PSMD3: variants seen among roughly 807,000 people sequenced by gnomAD.
The protein encoded by PSMD3 is 26S proteasome non-ATPase regulatory subunit 3.
PSMD3 carries 5 observed loss-of-function variants against 62.8 expected under a neutral mutation model. That is an observed-to-expected ratio of 0.08 (90% CI 0.04 to 0.17). The LOEUF (loss-of-function observed/expected upper bound fraction) is 0.17. Ranked by LOEUF, PSMD3 falls within the 10% of genes least tolerant of loss-of-function variation. The probability of loss-of-function intolerance (pLI) is 1.00; values close to 1 mark genes in which losing one functional copy is unlikely to be tolerated. For synonymous variants in PSMD3, 265 were observed against 283.9 expected (o/e 0.93, Z 0.67); for missense variants, 524 against 713.6 (o/e 0.73, Z 3.03).
chr17:39,991,055 T>G (rs1300483157), intron 6 of PSMD3, among the ~76,000 whole-genome samples: 5 of 151,780 alleles, frequency 3.3e-5, no homozygotes, highest in African/African-American at 1.2e-4. Flanking sequence ...CTTTTCTCAC[T>G]GCAACCTCTG....
In PSMD3 at chr17:39,980,873, G is replaced by A. The variant is rs1287223838; in HGVS notation, c.-98G>A. ...ATCGTGCGGCCCGACGCTATCTCGC[G>A]CTCGTGTGCAGGCCCGGCTCGGCTC... On this transcript the variant is annotated 5_prime_UTR_variant, in exon 1 of 12. Coordinates refer to ENST00000264639, the MANE Select transcript of PSMD3 (RefSeq NM_002809.4). 2.6e-5 allele frequency: 28 copies of A among 1,094,660 alleles called. No homozygotes were observed. Among genetic ancestry groups the A allele is most frequent in the Non-Finnish European group, 3.4e-5 (27 of 798,970 alleles). 67.8% of individuals were successfully genotyped at this position (1,094,660 alleles called of 1,614,324 possible).
intron 1 of PSMD3, among the ~76,000 whole-genome samples, chr17:39,983,978 TC>T (rs1980452922): frequency 6.6e-6 from 1 of 151,878 alleles, no homozygotes; most frequent in African/African-American, 2.4e-5. Context: ...GGCGGGCAGA[TC>T]ACGAGGTCAG....
At chr17:39,984,166 C>G (rs1482456355) in intron 1 of PSMD3, 128 bp from the exon 2 acceptor site, 1 of 847,030 alleles carries the variant, frequency 1.2e-6, no homozygotes, top group South Asian at 1.9e-5. Context: ...CACCACTGCA[C>G]TCCGGCCTGG....
At chr17:39,994,821 CCT>C in intron 6 of PSMD3, 131 bp from the exon 7 acceptor site, 1 of 737,502 alleles carries the variant, frequency 1.4e-6, no homozygotes, top group East Asian at 2.7e-5. Flanking sequence ...AGGGCTTCCT[CCT>C]CTCTCTGGGC....
At position 39,997,602 on chromosome 17, in the gene PSMD3, TAGGGGG is replaced by T; in HGVS notation, c.*23_*28del. 6.3e-7 allele frequency: 1 copy of T among 1,594,390 alleles called. No homozygotes were observed. Among genetic ancestry groups the T allele is most frequent in the Non-Finnish European group, 8.6e-7 (1 of 1,164,670 alleles). On this transcript the variant is annotated 3_prime_UTR_variant, in exon 12 of 12. Transcript: ENST00000264639. ...CTTGAGCTGGGGGGCTGGGGAGGGGTAGGGGGAATGGGGACAGGCTCTTTCCCCCTT... is the reference window on the plus strand; with the variant it reads ...CTTGAGCTGGGGGGCTGGGGAGGGGTAATGGGGACAGGCTCTTTCCCCCTT...
chr17:39,989,007 G>A (rs1438487538), intron 4 of PSMD3, among the ~76,000 whole-genome samples, 188 bp downstream of exon 4: 2 of 152,090 alleles, frequency 1.3e-5, no homozygotes. Context: ...TGAAGAAGTG[G>A]GTCACTGCTG....
intron 3 of PSMD3, among the ~76,000 whole-genome samples, chr17:39,987,485 T>G (rs1239227507): frequency 6.6e-6 from 1 of 152,222 alleles, no homozygotes; most frequent in Non-Finnish European, 1.5e-5. Context: ...TAGCTGGGAC[T>G]ACAGGCATGT....
At position 39,996,221 on chromosome 17, in the gene PSMD3, C is replaced by G; in HGVS notation, c.1359C>G (p.His453Gln). The change falls in exon 10 of 12, where the codon CAC becomes CAG. Residue 453 changes from histidine to glutamine, a missense_variant. Coordinates refer to ENST00000264639, the MANE Select transcript of PSMD3 (RefSeq NM_002809.4). This position sits in a 1 kb window ranked among gnomAD's most constrained non-coding sequence, Gnocchi z 5.1. The stretch of plus-strand genomic sequence containing the variant: ...GTGTCATTGAGGCCAGCATCAACCA[C>G]GAGAAGGGCTATGTCCAATCCAAGG... The part of the protein sequence containing the change: ...RDGVIEASIN[H>Q]EKGYVQSKEM... 6.2e-7 allele frequency: 1 copy of G among 1,614,050 alleles called. No homozygotes were observed.
At position 39,996,167 on chromosome 17, in the gene PSMD3, C is replaced by CT. The variant is rs2144817720; in HGVS notation, c.1321-13dup. 1.2e-6 allele frequency: 2 copies of CT among 1,613,258 alleles called. No individual in the cohort carries two copies. The highest frequency in any genetic ancestry group is 4.5e-5 in the East Asian group (2 of 44,858). Reference sequence around the variant, plus strand: ...GCTGGGTGTGCTGGTGAACTTTCCTCTTTGGGGGCCTGCAGGCCATCCGGG... The same window carrying CT: ...GCTGGGTGTGCTGGTGAACTTTCCTCTTTTGGGGGCCTGCAGGCCATCCGGG... On this transcript the variant is annotated splice_polypyrimidine_tract_variant and intron_variant, in intron 9 of 11. Transcript: ENST00000264639. This position sits in a 1 kb window ranked among gnomAD's most constrained non-coding sequence, Gnocchi z 5.1.
In PSMD3 at chr17:39,992,557, G is replaced by T. The variant is rs1018240945; in HGVS notation, c.981+2360G>T. Reference sequence around the variant, plus strand: ...GGTGCTGGCTCATCCTGTTCAAAGCGGAGGTCAGCTAGCATTCATTCCTGC... The same window carrying T: ...GGTGCTGGCTCATCCTGTTCAAAGCTGAGGTCAGCTAGCATTCATTCCTGC... On this transcript the variant is annotated intron_variant, in intron 6 of 11. Coordinates refer to ENST00000264639, the MANE Select transcript of PSMD3 (RefSeq NM_002809.4). Among the ~76,000 whole-genome samples the T allele has an allele frequency of 7.2e-5, 11 of 152,264 alleles. No homozygotes were observed. In the South Asian group the frequency reaches 2.3e-3, roughly 32 times the overall value.
intron 6 of PSMD3, chr17:39,993,526 C>T (rs1980710228): frequency 6.6e-6 from 1 of 152,464 alleles, no homozygotes; most frequent in Non-Finnish European, 1.5e-5. Context: ...CAGATCAGGG[C>T]CTTGGGATCA....
At position 39,996,257 on chromosome 17, in the gene PSMD3, C is replaced by T; in HGVS notation, c.1395C>T (p.Asp465=). 2 of 1,614,136 alleles carry T rather than the reference C, an allele frequency of 1.2e-6. No individual in the cohort carries two copies. The highest frequency in any genetic ancestry group is 4.5e-5 in the East Asian group (2 of 44,886). ...KGYVQSKEMI[D]IYSTREPQLA... is the part of the protein sequence containing the mutation. ...ATGTCCAATCCAAGGAGATGATTGA[C>T]ATCTATTCCACCCGAGAGCCCCAGC... The change falls in exon 10 of 12, where the codon GAC becomes GAT. Residue 465 remains aspartate, a synonymous_variant. Transcript: ENST00000264639. This position sits in a 1 kb window ranked among gnomAD's most constrained non-coding sequence, Gnocchi z 5.1.
intron 6 of PSMD3, among the ~76,000 whole-genome samples, chr17:39,992,686 C>T (rs1980686499): frequency 6.6e-6 from 1 of 152,208 alleles, no homozygotes; most frequent in South Asian, 2.1e-4. Flanking sequence ...CCATCACACT[C>T]CTTCCTCTCT....
chr17:39,997,427 A>G, intron 11 of PSMD3, 47 bp downstream of exon 11: 1 of 1,606,980 alleles, frequency 6.2e-7, no homozygotes, highest in Non-Finnish European at 8.5e-7. Flanking sequence ...AAACTTCCAC[A>G]CAGAAGGGGA....
At chr17:39,990,283 GAACTCCTGGGTTC>G in intron 6 of PSMD3, 86 bp downstream of exon 6, 1 of 1,201,282 alleles carries the variant, frequency 8.3e-7, no homozygotes, top group South Asian at 1.5e-5. Flanking sequence ...GGCTGGTCTT[GAACTCCTGGGTTC>G]AAGAAGTCCT....
intron 2 of PSMD3, among the ~76,000 whole-genome samples, chr17:39,985,123 G>A (rs1598311815): frequency 6.6e-6 from 1 of 152,166 alleles, no homozygotes; most frequent in East Asian, 1.9e-4. Context: ...AGCTACTCGG[G>A]AGGCTGAGGC....
intron 3 of PSMD3, 63 bp downstream of exon 3, chr17:39,986,775 G>T: frequency 6.4e-7 from 1 of 1,567,316 alleles, no homozygotes; most frequent in Non-Finnish European, 8.8e-7. Flanking sequence ...TTGGCGGGGA[G>T]ATGGTCCCTG....
chr17:39,981,283 C>G, intron 1 of PSMD3, 93 bp downstream of exon 1: 7 of 1,525,076 alleles, frequency 4.6e-6, no homozygotes, highest in Non-Finnish European at 6.2e-6. Context: ...GCAGCCTCCA[C>G]CACCCTCAGT....
chr17:39,985,041 G>A (rs1482489842), intron 2 of PSMD3, among the ~76,000 whole-genome samples: 4 of 152,020 alleles, frequency 2.6e-5, no homozygotes, highest in Non-Finnish European at 4.4e-5. Flanking sequence ...CAGCCTGGGC[G>A]ACATGGTGAG....
Sources: gnomAD v4.1 joint callset for allele counts (sites outside exome capture counted in the v4.1 genomes callset) on GRCh38, gnomAD v4.1.1 for gene constraint, Gnocchi (gnomAD v3.1) non-coding constraint, MANE v1.5 for transcripts, NCBI Gene and HGNC (gene_info 2026-07-23, HGNC 2026-07-21) for gene names.